ADAM18: variants seen among roughly 807,000 people sequenced by gnomAD.
The protein encoded by ADAM18 is ADAM metallopeptidase domain 18, also known as disintegrin and metalloproteinase domain-containing protein 18.
In ADAM18, 117 loss-of-function variants were observed where a neutral mutation model predicts 94.4. That is an observed-to-expected ratio of 1.24 (90% confidence interval 1.07 to 1.45). ADAM18 has a LOEUF of 1.45. ADAM18 is among the 40% of genes most tolerant of loss of function. ADAM18 has a pLI of 0.00. For synonymous variants in ADAM18, 327 were observed against 291.6 expected (o/e 1.12, Z -1.24); for missense variants, 936 against 880.0 (o/e 1.06, Z -0.81).
intron 17 of ADAM18, among the ~76,000 whole-genome samples, chr8:39,694,612 CA>C (rs757546518): frequency 1.3e-5 from 2 of 151,408 alleles, no homozygotes; most frequent in East Asian, 1.9e-4. Flanking sequence ...AATTAGCAGA[CA>C]TTTTTCAGAG....
intron 1 of ADAM18, 42 bp downstream of exon 1, chr8:39,584,719 G>T (rs1255182204): frequency 1.3e-6 from 2 of 1,598,592 alleles, no homozygotes; most frequent in African/African-American, 2.7e-5. Context: ...CGACTTTATA[G>T]CTGGGCTGGG....
At chr8:39,661,716 T>A (rs961403272) in intron 12 of ADAM18, among the ~76,000 whole-genome samples, 1 of 152,024 alleles carries the variant, frequency 6.6e-6, no homozygotes, top group African/African-American at 2.4e-5. Context: ...CTCTATATGC[T>A]GTGAAATATT....
At chr8:39,676,516 G>A (rs1169226173) in intron 14 of ADAM18, among the ~76,000 whole-genome samples, 1 of 152,182 alleles carries the variant, frequency 6.6e-6, no homozygotes, top group African/African-American at 2.4e-5. Context: ...GCAATATTTG[G>A]GTAGGAGTGC....
At chr8:39,727,172 G>A (rs914046866) in intron 19 of ADAM18, among the ~76,000 whole-genome samples, 14 of 152,172 alleles carry the variant, frequency 9.2e-5, no homozygotes, top group African/African-American at 2.9e-4. Context: ...ATTTTGGAAA[G>A]AGCTGCTACA....
intron 17 of ADAM18, among the ~76,000 whole-genome samples, chr8:39,700,699 A>T (rs1195310554): frequency 6.6e-6 from 1 of 152,094 alleles, no homozygotes; most frequent in Non-Finnish European, 1.5e-5. Flanking sequence ...TGTTTCTATG[A>T]TATTAACAAG....
rs10597769 is a variant in ADAM18 at position 39,663,598 on chromosome 8, CAAAAAAAAAA to C, written c.1231-177_1231-168del. Among the ~76,000 whole-genome samples the C allele has an allele frequency of 2.8e-3, 54 of 19,588 alleles. 1 individual carries two copies. The South Asian group carries it at 0.059, about 21-fold the overall frequency. 12.9% of individuals were successfully genotyped at this position (19,588 alleles called of 152,430 possible). ...TGGGTGACAGAGTGAAATCCTGTCT[CAAAAAAAAAA>C]AAAAAAAAAAAAAAAAAAAGAAGAA... On this transcript the variant is annotated intron_variant, in intron 12 of 19. Coordinates refer to ENST00000265707, the MANE Select transcript of ADAM18 (RefSeq NM_014237.3).
At chr8:39,595,048 A>G (rs945122182) in intron 2 of ADAM18, among the ~76,000 whole-genome samples, 1 of 151,942 alleles carries the variant, frequency 6.6e-6, no homozygotes, top group Non-Finnish European at 1.5e-5. Flanking sequence ...TTTTTGTTAT[A>G]GTACCCTAGG....
intron 17 of ADAM18, among the ~76,000 whole-genome samples, chr8:39,702,175 G>T (rs1172637389): frequency 1.3e-5 from 2 of 152,108 alleles, no homozygotes; most frequent in Non-Finnish European, 2.9e-5. Context: ...CTTAATAACA[G>T]CCATTCTGAC....
At chr8:39,696,112 C>T (rs951434331) in intron 17 of ADAM18, among the ~76,000 whole-genome samples, 1 of 151,346 alleles carries the variant, frequency 6.6e-6, no homozygotes, top group African/African-American at 2.4e-5. Context: ...ATGGAATTAT[C>T]ACTGTAGTTT....
chr8:39,606,304 T>C lies in ADAM18; in HGVS notation c.133-3T>C, dbSNP rs13268577. ...CAATCTTTACTGATGTGTTTTATTT[T>C]AGATGATTTACATCATTACAATTGA... On this transcript the variant is annotated splice_polypyrimidine_tract_variant and splice_region_variant and intron_variant, in intron 2 of 19. Transcript: ENST00000265707. 0.4 allele frequency: 594,920 copies of C among 1,498,672 alleles called. 122,986 individuals carry two copies. The highest frequency in any genetic ancestry group is 0.42 in the Non-Finnish European group (465,572 of 1,098,226). 92.8% of individuals were successfully genotyped at this position (1,498,672 alleles called of 1,614,324 possible).
intron 17 of ADAM18, among the ~76,000 whole-genome samples, chr8:39,700,885 C>T (rs541294470): frequency 5.9e-5 from 9 of 151,434 alleles, no homozygotes; most frequent in South Asian, 2.1e-4. Flanking sequence ...GAGGCCGAGG[C>T]GGGCGGATCA....
chr8:39,658,273 C>T (rs1327964402), intron 12 of ADAM18, among the ~76,000 whole-genome samples: 1 of 152,138 alleles, frequency 6.6e-6, no homozygotes, highest in African/African-American at 2.4e-5. Context: ...AACCTGTGTG[C>T]ATGCTATTTC....
intron 18 of ADAM18, among the ~76,000 whole-genome samples, chr8:39,714,251 G>A (rs902217485): frequency 6.6e-6 from 1 of 152,124 alleles, no homozygotes; most frequent in Non-Finnish European, 1.5e-5. Context: ...AGATCACTTG[G>A]TTGCAGGGCA....
At chr8:39,585,944 T>C (rs1455450739) in intron 2 of ADAM18, among the ~76,000 whole-genome samples, 5 of 152,224 alleles carry the variant, frequency 3.3e-5, no homozygotes, top group African/African-American at 1.2e-4. Context: ...GTTTTCTTGA[T>C]TGAAACACCT....
chr8:39,624,233 T>A (rs908079883), intron 6 of ADAM18, among the ~76,000 whole-genome samples: 3 of 152,196 alleles, frequency 2.0e-5, no homozygotes, highest in Non-Finnish European at 4.4e-5. Context: ...TAGGGCAATG[T>A]CCAGAAGAGT....
intron 18 of ADAM18, among the ~76,000 whole-genome samples, chr8:39,712,034 C>A (rs1231838720): frequency 8.8e-5 from 12 of 136,730 alleles, no homozygotes; most frequent in Non-Finnish European, 1.6e-4. Flanking sequence ...CAGAGAAGGC[C>A]CCCCCCCGAG....
At chr8:39,591,401 G>A (rs1263998329) in intron 2 of ADAM18, among the ~76,000 whole-genome samples, 1 of 152,134 alleles carries the variant, frequency 6.6e-6, no homozygotes, top group Non-Finnish European at 1.5e-5. Context: ...TATCAACTAA[G>A]TTTATGTAAT....
chr8:39,625,409 CA>C (rs1819732168), intron 6 of ADAM18, among the ~76,000 whole-genome samples: 1 of 152,020 alleles, frequency 6.6e-6, no homozygotes, highest in African/African-American at 2.4e-5. Flanking sequence ...TTACATAATT[CA>C]CTGGTCAAAT....
At chr8:39,722,642 C>T (rs1297596493) in intron 18 of ADAM18, among the ~76,000 whole-genome samples, 1 of 151,634 alleles carries the variant, frequency 6.6e-6, no homozygotes, top group Non-Finnish European at 1.5e-5. Context: ...TATATCCATG[C>T]AGCAAAACTG....
Sources: allele counts gnomAD v4.1 joint callset (sites outside exome capture counted in the v4.1 genomes callset), GRCh38; gene constraint gnomAD v4.1.1; transcripts MANE v1.5; gene names NCBI Gene and HGNC (gene_info 2026-07-23, HGNC 2026-07-21).